Variants in SKI observed in about 807,000 individuals in gnomAD.
SKI encodes the protein ski oncogene.
In SKI, 23 loss-of-function variants were observed where a neutral mutation model predicts 59.3. The observed-to-expected ratio is 0.39, with a 90% CI of 0.28 to 0.55. The LOEUF (loss-of-function observed/expected upper bound fraction) is 0.55. SKI is among the 20% of genes least tolerant of loss of function. The pLI, the probability that SKI is intolerant of heterozygous loss-of-function variation, is 0.67. For synonymous variants in SKI, 673 were observed against 488.6 expected, an observed-to-expected ratio of 1.38 and a Z score of -4.98; for missense variants, 1,017 against 1,038.9, an observed-to-expected ratio of 0.98 and a Z score of 0.29.
At position 2,249,793 on chromosome 1, in the gene SKI, AG is replaced by A. The variant is rs577874965; in HGVS notation, c.969+20060del. Among the ~76,000 whole-genome samples the A allele has an allele frequency of 1.3e-3, 197 of 152,318 alleles. 2 individuals carry two copies. The highest frequency in any genetic ancestry group is 4.6e-3 in the African/African-American group (192 of 41,562). On this transcript the variant is annotated intron_variant, in intron 1 of 6. Transcript: ENST00000378536. ...TTGTTGGATTCGTCAATTATGACCC[AG>A]GTTGTTGAACTGGAATTGGAGATGT...
rs144279718 is a variant in SKI, at chr1:2,304,411, T to C, written c.1593T>C (p.Pro531=). 1,462 of 1,553,978 alleles carry C rather than the reference T, an allele frequency of 9.4e-4. 1 individual carries two copies. The highest frequency in any genetic ancestry group is 1.1e-3 in the Non-Finnish European group (1,315 of 1,149,044). ...LPSAVPDAAA[P]ADAPSGLEAE... ...CGGCCGTCCCTGATGCTGCGGCCCC[T>C]GCCGACGCCCCCAGTGGGCTGGAGG... Residue 531 remains proline (P), a synonymous_variant, in exon 5 of 7, where the codon CCT becomes CCC. Transcript: ENST00000378536.
At chr1:2,292,235 G>C (rs1266264615) in intron 1 of SKI, among the ~76,000 whole-genome samples, 1 of 152,232 alleles carries the variant, frequency 6.6e-6, no homozygotes, top group Non-Finnish European at 1.5e-5. Context: ...GGGCTGCACG[G>C]GAGTTGCCAC....
chr1:2,302,668 T>A (rs1403493290), intron 1 of SKI, among the ~76,000 whole-genome samples: 1 of 151,978 alleles, frequency 6.6e-6, no homozygotes, highest in Non-Finnish European at 1.5e-5. Context: ...GTCTTGGTGC[T>A]CCATCCCAAA....
At chr1:2,256,011 C>G (rs903001134) in intron 1 of SKI, among the ~76,000 whole-genome samples, 2 of 151,406 alleles carry the variant, frequency 1.3e-5, no homozygotes, top group Non-Finnish European at 2.9e-5. Context: ...ATGCAACACA[C>G]TGTGCCCGGA....
intron 1 of SKI, among the ~76,000 whole-genome samples, chr1:2,238,083 T>C (rs1638790043): frequency 6.6e-6 from 1 of 152,198 alleles, no homozygotes. Flanking sequence ...CTGCCCACGG[T>C]CCAGGCAGCT....
At chr1:2,284,340 G>C (rs573444696) in intron 1 of SKI, among the ~76,000 whole-genome samples, 1 of 152,326 alleles carries the variant, frequency 6.6e-6, no homozygotes, top group South Asian at 2.1e-4. Context: ...GGCCTGAGAA[G>C]AGCCTCTTGG....
At position 2,229,561 on chromosome 1, in the gene SKI, G is replaced by A; in HGVS notation, c.795G>A (p.Lys265=). 1 of 1,611,482 alleles carries A rather than the reference G, an allele frequency of 6.2e-7. No individual in the cohort carries two copies. The highest frequency in any genetic ancestry group is 8.5e-7 in the Non-Finnish European group (1 of 1,179,946). ...PPHKFVVHSH[K]ALENRTCHWG... ...ACAAGTTCGTGGTGCACTCGCACAA[G>A]GCCCTGGAGAACCGGACCTGCCACT... The change falls in exon 1 of 7, where the codon AAG becomes AAA. Residue 265 remains lysine, a synonymous_variant. Transcript: ENST00000378536. The surrounding 1 kb of genome is among the most constrained non-coding windows in gnomAD (Gnocchi z 6.3).
At chr1:2,240,784 G>A (rs866027604) in intron 1 of SKI, 10 of 985,320 alleles carry the variant, frequency 1.0e-5, no homozygotes, top group African/African-American at 5.2e-5. Flanking sequence ...CCTGTTGTTC[G>A]TGAGTCAGGT....
intron 1 of SKI, among the ~76,000 whole-genome samples, chr1:2,238,982 A>G (rs561581850): frequency 1.3e-4 from 20 of 152,074 alleles, no homozygotes; most frequent in Middle Eastern, 3.4e-3. Context: ...CCGGCCTGGC[A>G]TGGTCCCTGG....
intron 1 of SKI, among the ~76,000 whole-genome samples, chr1:2,257,984 C>G (rs183179681): frequency 1.3e-5 from 2 of 152,098 alleles, no homozygotes; most frequent in African/African-American, 2.4e-5. Flanking sequence ...GTGATCTGCC[C>G]GCCTCAGCCT....
intron 1 of SKI, among the ~76,000 whole-genome samples, chr1:2,230,959 G>A (rs753044775): frequency 1.2e-4 from 18 of 152,092 alleles, no homozygotes; most frequent in Non-Finnish European, 2.5e-4. Flanking sequence ...GCTGCGGAGG[G>A]TGCATGTGTG....
At chr1:2,254,403 G>T (rs995455694) in intron 1 of SKI, among the ~76,000 whole-genome samples, 1 of 152,198 alleles carries the variant, frequency 6.6e-6, no homozygotes, top group Non-Finnish European at 1.5e-5. Flanking sequence ...ACATGTCCCC[G>T]TCCCAAACAG....
At chr1:2,289,469 C>A (rs1640114608) in intron 1 of SKI, among the ~76,000 whole-genome samples, 1 of 150,134 alleles carries the variant, frequency 6.7e-6, no homozygotes, top group Non-Finnish European at 1.5e-5. Flanking sequence ...GAGCCCCGCG[C>A]AGGGCAGGGC....
intron 1 of SKI, among the ~76,000 whole-genome samples, chr1:2,251,818 T>A (rs1212174913): frequency 6.6e-6 from 1 of 152,122 alleles, no homozygotes; most frequent in Non-Finnish European, 1.5e-5. Flanking sequence ...TTTTCTCGAG[T>A]CTGGTTGTTG....
chr1:2,230,893 G>A (rs950496852), intron 1 of SKI, among the ~76,000 whole-genome samples: 11 of 152,022 alleles, frequency 7.2e-5, no homozygotes, highest in Non-Finnish European at 1.3e-4. Flanking sequence ...GTGTCAGATC[G>A]TGGGGAGGAG....
chr1:2,234,643 ACTGT>A (rs1456368909), intron 1 of SKI, among the ~76,000 whole-genome samples: 3 of 152,072 alleles, frequency 2.0e-5, no homozygotes, highest in South Asian at 2.1e-4. Flanking sequence ...CTGGGCCCTG[ACTGT>A]CTGGCAGGAG....
chr1:2,294,355 A>G (rs890930532), intron 1 of SKI, among the ~76,000 whole-genome samples: 29 of 152,242 alleles, frequency 1.9e-4, no homozygotes, highest in Non-Finnish European at 2.9e-4. Flanking sequence ...CTCAGTGACC[A>G]TCAGGCTGGC....
chr1:2,230,748 G>A (rs1638617290), intron 1 of SKI, among the ~76,000 whole-genome samples: 1 of 152,126 alleles, frequency 6.6e-6, no homozygotes. Flanking sequence ...TTATTAAATT[G>A]CACACACAGA....
chr1:2,300,610 A>T (rs986250757), intron 1 of SKI, among the ~76,000 whole-genome samples: 3 of 152,144 alleles, frequency 2.0e-5, no homozygotes, highest in African/African-American at 7.2e-5. Flanking sequence ...TCCCTCTGAG[A>T]GTGTCACTTC....
Sources: allele counts gnomAD v4.1 joint callset (sites outside exome capture counted in the v4.1 genomes callset), GRCh38; gene constraint gnomAD v4.1.1; non-coding constraint Gnocchi (gnomAD v3.1); transcripts MANE v1.5; gene names NCBI Gene and HGNC (gene_info 2026-07-23, HGNC 2026-07-21).